DNMBP: variants seen among roughly 807,000 people sequenced by gnomAD.
DNMBP encodes the protein dynamin binding protein.
In DNMBP, 87 loss-of-function variants were observed where a neutral mutation model predicts 150.0. That is an observed-to-expected ratio of 0.58 (90% CI 0.49 to 0.69). The LOEUF is 0.69. Ranked by LOEUF, DNMBP falls within the 30% of genes least tolerant of loss-of-function variation. DNMBP has a pLI of 0.00. For missense variants in DNMBP, 1,774 were observed against 1,949.0 expected, an observed-to-expected ratio of 0.91 and a Z score of 1.69; for synonymous variants, 711 against 750.4, an observed-to-expected ratio of 0.95 and a Z score of 0.86.
chr10:100,006,861 C>T (rs973362453), intron 1 of DNMBP, among the ~76,000 whole-genome samples: 1 of 152,204 alleles, frequency 6.6e-6, no homozygotes, highest in South Asian at 2.1e-4. Context: ...TGCCTGTAAT[C>T]CCAGCACTTT....
intron 1 of DNMBP, among the ~76,000 whole-genome samples, chr10:100,000,087 G>A (rs1299802631): frequency 6.6e-6 from 1 of 152,180 alleles, no homozygotes; most frequent in African/African-American, 2.4e-5. Flanking sequence ...ACTTGCTTTA[G>A]AAAACAGTGA....
intron 4 of DNMBP, among the ~76,000 whole-genome samples, chr10:99,952,210 TAAACCTC>T (rs762898838): frequency 3.3e-5 from 5 of 152,226 alleles, no homozygotes; most frequent in Non-Finnish European, 7.3e-5. Context: ...GTAAGTCCAT[TAAACCTC>T]TTCATTTTGT....
chr10:99,913,873 T>C (rs12778522), intron 4 of DNMBP: 2 of 1,259,850 alleles, frequency 1.6e-6, no homozygotes, highest in Non-Finnish European at 2.0e-6. Context: ...CCCGGCCAGA[T>C]CCCAGGTGCC....
At chr10:99,991,104 A>G (rs1362552163) in intron 1 of DNMBP, among the ~76,000 whole-genome samples, 3 of 151,108 alleles carry the variant, frequency 2.0e-5, no homozygotes, top group African/African-American at 7.3e-5. Context: ...TTTGAGATGA[A>G]GTCTCACTCT....
At chr10:99,898,311 A>G (rs1175290861) in intron 8 of DNMBP, 26 bp from the exon 9 acceptor site, 3 of 1,589,942 alleles carry the variant, frequency 1.9e-6, no homozygotes, top group East Asian at 2.2e-5. Context: ...AAAAGACTTT[A>G]GTAAGCTATC....
chr10:99,927,554 T>G (rs2040095611), intron 4 of DNMBP, among the ~76,000 whole-genome samples: 1 of 152,206 alleles, frequency 6.6e-6, no homozygotes, highest in Non-Finnish European at 1.5e-5. Flanking sequence ...CTCTGATGCT[T>G]GTTCCTTTGT....
At chr10:100,004,161 C>A (rs955834950) in intron 1 of DNMBP, among the ~76,000 whole-genome samples, 3 of 150,888 alleles carry the variant, frequency 2.0e-5, no homozygotes, top group Non-Finnish European at 3.0e-5. Context: ...GGGAGGATCA[C>A]TTGAGCCTGG....
chr10:99,895,182 A>G, intron 10 of DNMBP, 132 bp from the exon 11 acceptor site: 3 of 591,254 alleles, frequency 5.1e-6, no homozygotes, highest in South Asian at 2.0e-5. Flanking sequence ...GTTGGAGTGC[A>G]ATGGCATGAT....
At chr10:99,908,657 G>C (rs1422477963) in intron 5 of DNMBP, among the ~76,000 whole-genome samples, 1 of 152,148 alleles carries the variant, frequency 6.6e-6, no homozygotes, top group African/African-American at 2.4e-5. Context: ...CAGCCTTCTA[G>C]CAGGGCCACG....
chr10:99,881,345 T>C (rs2133191520), intron 15 of DNMBP, among the ~76,000 whole-genome samples: 1 of 148,958 alleles, frequency 6.7e-6, no homozygotes, highest in South Asian at 2.1e-4. Flanking sequence ...TGTTCTAACG[T>C]AGGAAACTGT....
intron 4 of DNMBP, among the ~76,000 whole-genome samples, chr10:99,949,904 C>T (rs1187733196): frequency 1.3e-5 from 2 of 152,158 alleles, no homozygotes; most frequent in Non-Finnish European, 2.9e-5. Flanking sequence ...GCACAGAAGA[C>T]ATAACATTTT....
At chr10:99,933,982 T>C (rs890452011) in intron 4 of DNMBP, among the ~76,000 whole-genome samples, 1 of 152,152 alleles carries the variant, frequency 6.6e-6, no homozygotes, top group African/African-American at 2.4e-5. Context: ...ATGATCCCCC[T>C]GCCTCGGCGT....
chr10:99,891,447 T>G (rs1297791082), intron 11 of DNMBP, among the ~76,000 whole-genome samples: 1 of 151,944 alleles, frequency 6.6e-6, no homozygotes, highest in Non-Finnish European at 1.5e-5. Flanking sequence ...GGTGCCGGGA[T>G]TGCAGACGGA....
At position 99,884,071 on chromosome 10, in the gene DNMBP, C is replaced by A; in HGVS notation, c.3937G>T (p.Gly1313Cys). 1 of 1,614,070 alleles carries A rather than the reference C, an allele frequency of 6.2e-7. No individual in the cohort carries two copies. Reference sequence around the variant, plus strand: ...ATGGGGTCTTTTTTCTTAATCACACCCACCAGGTCACCTTCCAAAAGTGAG... The same window carrying A: ...ATGGGGTCTTTTTTCTTAATCACACACACCAGGTCACCTTCCAAAAGTGAG... Reference protein sequence around the residue: ...DVSLLEGDLVGVIKKKDPMGS... With the variant: ...DVSLLEGDLVCVIKKKDPMGS... Residue 1313 changes from glycine to cysteine, a missense_variant, in exon 15 of 17, where the codon GGT becomes TGT. By Grantham distance (159) the Gly-to-Cys change is radical. Transcript: ENST00000324109.
chr10:99,979,222 G>A (rs2133363550), intron 1 of DNMBP, among the ~76,000 whole-genome samples: 1 of 152,284 alleles, frequency 6.6e-6, no homozygotes, highest in East Asian at 1.9e-4. Flanking sequence ...TAATCCTGTT[G>A]GTGGCGGACA....
In DNMBP at chr10:99,955,248, A is replaced by G; in HGVS notation, c.2226T>C (p.Ile742=). 1 of 1,613,870 alleles carries G rather than the reference A, an allele frequency of 6.2e-7. No individual in the cohort carries two copies. The highest frequency in any genetic ancestry group is 8.5e-7 in the Non-Finnish European group (1 of 1,179,908). The change falls in exon 4 of 17, where the codon ATT becomes ATC. Residue 742 remains isoleucine, a synonymous_variant. Transcript: ENST00000324109. ...LEDLKFCESN[I]ESLNMELQQL... Reference sequence around the variant, plus strand: ...GCTGGAGTTCCATATTCAAACTTTCAATGTTACTTTCACAGAACTTGAGAT... The same window carrying G: ...GCTGGAGTTCCATATTCAAACTTTCGATGTTACTTTCACAGAACTTGAGAT...
chr10:99,973,708 G>T (rs1323797176), intron 1 of DNMBP, among the ~76,000 whole-genome samples: 1 of 152,140 alleles, frequency 6.6e-6, no homozygotes, highest in East Asian at 1.9e-4. Flanking sequence ...GGACTGGCGC[G>T]GTGGCTCGCA....
In DNMBP at chr10:99,876,646, A is replaced by T. The variant is rs2039278750; in HGVS notation, c.*505T>A. ...GGAGGTGTCCCAGGAGCTTTGAAGC[A>T]CTAGGTTTGGTTCAATCCCGACAAA... On this transcript the variant is annotated 3_prime_UTR_variant, in exon 17 of 17. Coordinates refer to ENST00000324109, the MANE Select transcript of DNMBP (RefSeq NM_015221.4). 2 of 152,650 alleles carry T rather than the reference A, an allele frequency of 1.3e-5. No individual in the cohort carries two copies. Among genetic ancestry groups the T allele is most frequent in the Admixed American group, 1.3e-4 (2 of 15,314 alleles). 9.5% of individuals were successfully genotyped at this position (152,650 alleles called of 1,614,324 possible). A position where few individuals can be genotyped will look rare whatever the true frequency, so the allele number is the denominator to read the frequency against.
chr10:99,983,230 A>T (rs1456329033), intron 1 of DNMBP, among the ~76,000 whole-genome samples: 2 of 152,206 alleles, frequency 1.3e-5, no homozygotes, highest in Non-Finnish European at 2.9e-5. Context: ...GAATCCATTT[A>T]AAAAATCTCA....
Sources: allele counts gnomAD v4.1 joint callset (sites outside exome capture counted in the v4.1 genomes callset), GRCh38; gene constraint gnomAD v4.1.1; transcripts MANE v1.5; gene names NCBI Gene and HGNC (gene_info 2026-07-23, HGNC 2026-07-21).